The following TMEM26 variants were observed in gnomAD, a reference collection of about 807,000 sequenced individuals.
TMEM26 encodes the protein transmembrane protein 26.
A neutral mutation model predicts 28.8 loss-of-function variants in TMEM26; 38 were observed. The observed-to-expected ratio is 1.32, with a 90% CI of 1.02 to 1.73. The LOEUF (loss-of-function observed/expected upper bound fraction) is 1.73. TMEM26 is among the 40% of genes most tolerant of loss of function. The pLI, the probability that TMEM26 is intolerant of heterozygous loss-of-function variation, is 0.00. For missense variants in TMEM26, 518 were observed against 447.1 expected, an observed-to-expected ratio of 1.16 and a Z score of -1.43; for synonymous variants, 227 against 182.9, an observed-to-expected ratio of 1.24 and a Z score of -1.95.
chr10:61,447,987 T>C (rs1484334704), intron 1 of TMEM26, among the ~76,000 whole-genome samples: 1 of 152,284 alleles, frequency 6.6e-6, no homozygotes, highest in Non-Finnish European at 1.5e-5. Flanking sequence ...TTGACTAAAA[T>C]GTGAGGTTTG....
At chr10:61,420,800 G>A (rs72825281) in intron 4 of TMEM26, among the ~76,000 whole-genome samples, 31,162 of 151,110 alleles carry the variant, frequency 0.21, 3,469 homozygotes, top group Middle Eastern at 0.31. Context: ...CTTTCAGGTC[G>A]AAAGGAAATT....
At chr10:61,449,386 G>A (rs1840238617) in intron 1 of TMEM26, among the ~76,000 whole-genome samples, 1 of 152,172 alleles carries the variant, frequency 6.6e-6, no homozygotes, top group Non-Finnish European at 1.5e-5. Flanking sequence ...AGTTACTAGT[G>A]TTGATGTAAT....
chr10:61,413,058 C>T (rs559037231), intron 5 of TMEM26: 2 of 900,412 alleles, frequency 2.2e-6, no homozygotes, highest in East Asian at 1.3e-4. Context: ...TTTATGGCAG[C>T]AACTTGCTAA....
At chr10:61,424,749 A>G (rs887937485) in intron 4 of TMEM26, among the ~76,000 whole-genome samples, 1 of 152,198 alleles carries the variant, frequency 6.6e-6, no homozygotes, top group African/African-American at 2.4e-5. Context: ...CACAACAGAA[A>G]GTCCAGAGAA....
At chr10:61,444,315 C>T (rs7893857) in intron 1 of TMEM26, among the ~76,000 whole-genome samples, 14,852 of 151,924 alleles carry the variant, frequency 0.098, 1,538 homozygotes, top group African/African-American at 0.26. Flanking sequence ...ATATTGCTGC[C>T]GACTACAGGA....
intron 2 of TMEM26, among the ~76,000 whole-genome samples, chr10:61,434,018 G>T (rs1395357602): frequency 6.6e-6 from 1 of 152,148 alleles, no homozygotes; most frequent in Non-Finnish European, 1.5e-5. Flanking sequence ...TTGTGAAAGT[G>T]CAGGAGACTA....
intron 5 of TMEM26, among the ~76,000 whole-genome samples, chr10:61,411,595 C>T (rs1212044723): frequency 6.6e-6 from 1 of 152,118 alleles, no homozygotes; most frequent in Non-Finnish European, 1.5e-5. Flanking sequence ...TGAATAAATG[C>T]CGTTGTTATT....
At chr10:61,430,698 A>C (rs902056091) in intron 3 of TMEM26, among the ~76,000 whole-genome samples, 8 of 152,028 alleles carry the variant, frequency 5.3e-5, no homozygotes, top group Admixed American at 5.3e-4. Flanking sequence ...TGAAATTAAA[A>C]ACAAAACGCC....
intron 3 of TMEM26, among the ~76,000 whole-genome samples, chr10:61,430,734 C>T (rs1222384353): frequency 6.6e-6 from 1 of 151,952 alleles, no homozygotes; most frequent in Admixed American, 6.6e-5. Context: ...CCCAAAAATG[C>T]CACGTAGGTT....
At chr10:61,451,408 A>C (rs1840277930) in intron 1 of TMEM26, among the ~76,000 whole-genome samples, 1 of 152,188 alleles carries the variant, frequency 6.6e-6, no homozygotes. Flanking sequence ...CTATTTTCCA[A>C]TGAACAGTTT....
chr10:61,453,045 G>T lies in TMEM26; in HGVS notation c.37C>A (p.Arg13=), dbSNP rs748762009. 2 of 1,613,670 alleles carry T rather than the reference G, an allele frequency of 1.2e-6. No individual in the cohort carries two copies. Among genetic ancestry groups the T allele is most frequent in the South Asian group, 1.1e-5 (1 of 91,080 alleles). Residue 13 remains arginine, a synonymous_variant, in exon 1 of 6, where the codon CGG becomes AGG. Transcript: ENST00000399298. ...GLVFLNALAT[R]LLFLLHSLVG... is the part of the protein sequence containing the mutation. ...AGCGAGTGCAGCAGGAACAGCAACC[G>T]AGTGGCCAGGGCGTTAAGGAAGACC... is the stretch of plus-strand genomic sequence containing the variant.
chr10:61,424,824 A>T (rs979336385), intron 4 of TMEM26, among the ~76,000 whole-genome samples: 1 of 152,090 alleles, frequency 6.6e-6, no homozygotes, highest in African/African-American at 2.4e-5. Context: ...ATAAAGAAAG[A>T]CTCCTTTCAA....
chr10:61,426,264 GT>G, intron 4 of TMEM26, among the ~76,000 whole-genome samples: 1 of 152,154 alleles, frequency 6.6e-6, no homozygotes, highest in East Asian at 1.9e-4. Context: ...GTGGTTGCCT[GT>G]TAAGAGTGAA....
chr10:61,438,613 C>T lies in TMEM26; in HGVS notation c.192-2365G>A, dbSNP rs542638238. On this transcript the variant is annotated intron_variant, in intron 1 of 5. Coordinates refer to ENST00000399298, the MANE Select transcript of TMEM26 (RefSeq NM_178505.8). ...TACCCTTAACATCTTCTATGCATAA[C>T]ATTTATTTCTATAATTGGAAAAAAG... Among the ~76,000 whole-genome samples the T allele has an allele frequency of 6.6e-5, 10 of 152,252 alleles. 1 individual carries two copies. The highest frequency in any genetic ancestry group is 5.9e-4 in the Admixed American group (9 of 15,292).
intron 4 of TMEM26, among the ~76,000 whole-genome samples, chr10:61,426,452 G>A (rs766656782): frequency 1.8e-4 from 27 of 152,060 alleles, no homozygotes; most frequent in Non-Finnish European, 2.8e-4. Context: ...AAAAGTTGCA[G>A]AATCAGAAGC....
rs957186661 is a variant in TMEM26, at chr10:61,414,992, G to C, written c.606-1457C>G. 4 of 985,198 alleles carry C rather than the reference G, an allele frequency of 4.1e-6. No homozygotes were observed. In the Admixed American group the frequency reaches 1.8e-4, roughly 46 times the overall value. The allele number at this position is 985,198 out of a possible 1,614,324, so 61.0% of individuals were successfully genotyped here. On this transcript the variant is annotated intron_variant, in intron 4 of 5. Transcript: ENST00000399298. ...CTCCCCACAGGGGGACTCTCCAATG[G>C]GTTGTTGAAGGCTGTGCTTTTGATT...
intron 1 of TMEM26, among the ~76,000 whole-genome samples, chr10:61,443,761 T>C (rs979886690): frequency 1.1e-4 from 17 of 152,164 alleles, no homozygotes; most frequent in Non-Finnish European, 2.1e-4. Flanking sequence ...GCAAAATTAG[T>C]ACCCCATATA....
chr10:61,408,964 A>G lies in TMEM26; in HGVS notation c.*1358T>C, dbSNP rs988336899. 2 of 152,214 alleles carry G rather than the reference A, an allele frequency of 1.3e-5. No individual in the cohort carries two copies. Among genetic ancestry groups the G allele is most frequent in the South Asian group, 4.1e-4 (2 of 4,830 alleles). The allele number at this position is 152,214 out of a possible 1,614,324, so 9.4% of individuals were successfully genotyped here. ...TGTCCCAACTGGTTGTCAATAAGTC[A>G]TACCAAATTAAGGGCATACCCCACC... On this transcript the variant is annotated 3_prime_UTR_variant, in exon 6 of 6. Transcript: ENST00000399298.
intron 1 of TMEM26, among the ~76,000 whole-genome samples, chr10:61,447,641 G>A (rs1380041709): frequency 6.6e-6 from 1 of 152,158 alleles, no homozygotes; most frequent in Non-Finnish European, 1.5e-5. Context: ...TAGGGATACT[G>A]GAATAATAAG....
Sources: gnomAD v4.1 joint callset for allele counts (sites outside exome capture counted in the v4.1 genomes callset) on GRCh38, gnomAD v4.1.1 for gene constraint, MANE v1.5 for transcripts, NCBI Gene and HGNC (gene_info 2026-07-23, HGNC 2026-07-21) for gene names.